Variants in RBFOX1 observed in about 807,000 individuals in gnomAD.
The protein encoded by RBFOX1 is RNA binding fox-1 homolog 1.
A neutral mutation model predicts 57.7 loss-of-function variants in RBFOX1; 8 were observed. The ratio of observed to expected loss-of-function variants is 0.14; its 90% confidence interval spans 0.08 to 0.25. The LOEUF (loss-of-function observed/expected upper bound fraction) is 0.25, where lower values mean the gene tolerates loss of function less well. Among genes scored for constraint, RBFOX1 ranks in the 10% least tolerant of loss-of-function variants. RBFOX1 has a pLI of 1.00. For missense variants in RBFOX1, 611 were observed against 548.5 expected, an observed-to-expected ratio of 1.11 and a Z score of -1.14; for synonymous variants, 326 against 222.4, an observed-to-expected ratio of 1.47 and a Z score of -4.15.
intron 3 of RBFOX1, among the ~76,000 whole-genome samples, chr16:6,754,615 T>A (rs2075486979): frequency 3.3e-5 from 5 of 152,176 alleles, no homozygotes; most frequent in African/African-American, 1.2e-4. Context: ...TTGTTGAATT[T>A]TTCAGGAGCA....
intron 3 of RBFOX1, among the ~76,000 whole-genome samples, chr16:6,896,329 T>C (rs1027028758): frequency 6.6e-6 from 1 of 152,218 alleles, no homozygotes; most frequent in Non-Finnish European, 1.5e-5. Flanking sequence ...TAGTTATTTT[T>C]AAATATAAAA....
At chr16:7,646,361 T>C (rs779422570) in intron 11 of RBFOX1, among the ~76,000 whole-genome samples, 6 of 152,238 alleles carry the variant, frequency 3.9e-5, no homozygotes, top group Non-Finnish European at 8.8e-5. Context: ...AGGGGAATCC[T>C]GCAAAACCAT....
chr16:7,533,558 G>C (rs1028200783), intron 5 of RBFOX1, among the ~76,000 whole-genome samples: 11 of 152,160 alleles, frequency 7.2e-5, no homozygotes, highest in African/African-American at 2.7e-4. Flanking sequence ...ACTTAGCCTA[G>C]CACAACTTAA....
chr16:7,217,915 TGTGA>T (rs2092357729), intron 4 of RBFOX1, among the ~76,000 whole-genome samples: 1 of 151,622 alleles, frequency 6.6e-6, no homozygotes, highest in Non-Finnish European at 1.5e-5. Context: ...CATGTGTGTG[TGTGA>T]GTGTAGGTGT....
chr16:6,826,002 A>T (rs925752205), intron 3 of RBFOX1, among the ~76,000 whole-genome samples: 3 of 152,082 alleles, frequency 2.0e-5, no homozygotes, highest in African/African-American at 7.2e-5. Flanking sequence ...CCTTCTTTAC[A>T]TTTTGGGTAG....
At chr16:5,241,226 A>T (rs1357697562) in intron 1 of RBFOX1, among the ~76,000 whole-genome samples, 1 of 152,064 alleles carries the variant, frequency 6.6e-6, no homozygotes, top group Non-Finnish European at 1.5e-5. Flanking sequence ...TGACATCCTC[A>T]TCTCCCCGTG....
chr16:5,538,711 C>T (rs929657119), intron 2 of RBFOX1, among the ~76,000 whole-genome samples: 6 of 151,336 alleles, frequency 4.0e-5, no homozygotes, highest in Admixed American at 6.6e-5. Flanking sequence ...CTGCAACCTT[C>T]GCCTTCCCGG....
chr16:6,791,556 C>G (rs550712419), intron 3 of RBFOX1, among the ~76,000 whole-genome samples: 9 of 152,088 alleles, frequency 5.9e-5, no homozygotes, highest in African/African-American at 2.2e-4. Flanking sequence ...GTCAGGAGTT[C>G]GAAACCAACC....
intron 3 of RBFOX1, among the ~76,000 whole-genome samples, chr16:6,833,389 A>G (rs894695286): frequency 1.3e-5 from 2 of 151,890 alleles, no homozygotes; most frequent in Non-Finnish European, 2.9e-5. Flanking sequence ...CTGTTCTCAA[A>G]CTCCTGACCT....
chr16:6,125,132 G>T (rs2096580075), intron 1 of RBFOX1, among the ~76,000 whole-genome samples: 1 of 152,150 alleles, frequency 6.6e-6, no homozygotes, highest in South Asian at 2.1e-4. Context: ...CCTCTGGATG[G>T]TCTCATACTG....
chr16:6,087,948 G>A (rs1244237890), intron 1 of RBFOX1, among the ~76,000 whole-genome samples: 1 of 152,122 alleles, frequency 6.6e-6, no homozygotes, highest in Non-Finnish European at 1.5e-5. Context: ...ACCACACCCA[G>A]CCTTATCTTA....
At chr16:5,554,199 G>T (rs145554229) in intron 2 of RBFOX1, among the ~76,000 whole-genome samples, 7,085 of 152,034 alleles carry the variant, frequency 0.047, 179 homozygotes, top group East Asian at 0.1. Context: ...TAGAACTCCT[G>T]ACCTCAAGTG....
intron 3 of RBFOX1, among the ~76,000 whole-genome samples, chr16:6,822,225 G>C (rs1198941716): frequency 1.3e-5 from 2 of 152,140 alleles, no homozygotes; most frequent in African/African-American, 4.8e-5. Context: ...TGAAATGCTG[G>C]TATGGCAGAT....
rs558589372 is a variant in RBFOX1 at position 6,529,033 on chromosome 16, C to G, written c.-63-125570C>G. On this transcript the variant is annotated intron_variant, in intron 2 of 15. Coordinates refer to ENST00000550418, the MANE Select transcript of RBFOX1 (RefSeq NM_018723.4). ...GTGTGCAAGAGAAACGCATTTTACTCAATACCTAATTAATTGGTTAAAAAA... is the reference window on the plus strand; with the variant it reads ...GTGTGCAAGAGAAACGCATTTTACTGAATACCTAATTAATTGGTTAAAAAA... 6.6e-5 allele frequency among the ~76,000 whole-genome samples: 10 copies of G among 152,244 alleles called. No homozygotes were observed. In the East Asian group the frequency reaches 1.9e-3, roughly 29 times the overall value.
intron 2 of RBFOX1, among the ~76,000 whole-genome samples, chr16:6,334,465 G>A (rs958674488): frequency 7.2e-6 from 1 of 139,698 alleles, no homozygotes; most frequent in Admixed American, 7.8e-5. Flanking sequence ...CCGAGATCAT[G>A]CCACTGCACT....
At chr16:6,270,063 T>A (rs924369592) in intron 1 of RBFOX1, among the ~76,000 whole-genome samples, 1 of 151,964 alleles carries the variant, frequency 6.6e-6, no homozygotes, top group African/African-American at 2.4e-5. Flanking sequence ...AGATAACTGC[T>A]AAAAAAATCT....
At chr16:6,929,843 A>G (rs966450898) in intron 3 of RBFOX1, among the ~76,000 whole-genome samples, 3 of 152,162 alleles carry the variant, frequency 2.0e-5, no homozygotes, top group African/African-American at 7.2e-5. Flanking sequence ...TAAAAGTTAA[A>G]TCTCTTTTCA....
chr16:6,045,106 G>A (rs2095481550), intron 1 of RBFOX1, among the ~76,000 whole-genome samples: 1 of 152,164 alleles, frequency 6.6e-6, no homozygotes, highest in Admixed American at 6.5e-5. Flanking sequence ...ACTAAAGCAG[G>A]GCTTCTCAAA....
intron 4 of RBFOX1, among the ~76,000 whole-genome samples, chr16:7,207,443 A>G (rs1264133106): frequency 2.0e-5 from 3 of 152,206 alleles, no homozygotes; most frequent in Non-Finnish European, 2.9e-5. Flanking sequence ...TAGTCAAAAC[A>G]TAACATTTTA....
Sources: allele counts gnomAD v4.1 joint callset (sites outside exome capture counted in the v4.1 genomes callset), GRCh38; gene constraint gnomAD v4.1.1; transcripts MANE v1.5; gene names NCBI Gene and HGNC (gene_info 2026-07-23, HGNC 2026-07-21).